PCDHGB1: variants seen among roughly 807,000 people sequenced by gnomAD.
PCDHGB1 encodes protocadherin gamma subfamily B, 1, also known as protocadherin gamma-B1.
In PCDHGB1, 34 loss-of-function variants were observed where a neutral mutation model predicts 56.6. The observed-to-expected ratio is 0.60, with a 90% CI of 0.46 to 0.80. PCDHGB1 has a LOEUF of 0.80. PCDHGB1 is among the 30% of genes least tolerant of loss of function. PCDHGB1 has a pLI of 0.00. For missense variants in PCDHGB1, 1,278 were observed against 1,204.6 expected (o/e 1.06, Z -0.90); for synonymous variants, 561 against 505.9 (o/e 1.11, Z -1.46).
chr5:141,414,793 G>A lies in PCDHGB1; in HGVS notation c.2409+62124G>A, dbSNP rs756653393. On this transcript the variant is annotated intron_variant, in intron 1 of 3. Transcript: ENST00000523390. ...GCTACAGATGCAGGTGACAGCCAGCGACAGCGGGGATCCTCCACTCAGCAG... is the reference window on the plus strand; with the variant it reads ...GCTACAGATGCAGGTGACAGCCAGCAACAGCGGGGATCCTCCACTCAGCAG... 2.5e-6 allele frequency: 4 copies of A among 1,614,100 alleles called. No individual in the cohort carries two copies. The African/African-American group carries it at 4.0e-5, about 16-fold the overall frequency.
chr5:141,395,107 A>G (rs2093174446), intron 1 of PCDHGB1: 1 of 1,614,212 alleles, frequency 6.2e-7, no homozygotes, highest in African/African-American at 1.3e-5. Context: ...GACTCGCGGA[A>G]GAGTCACCTG....
chr5:141,368,540 AT>A (rs34785174), intron 1 of PCDHGB1, among the ~76,000 whole-genome samples: 1 of 152,116 alleles, frequency 6.6e-6, no homozygotes, highest in Middle Eastern at 3.4e-3. Context: ...TTGCTTTTCC[AT>A]TTTTTTTAAA....
chr5:141,410,329 G>T, intron 1 of PCDHGB1: 1 of 1,613,982 alleles, frequency 6.2e-7, no homozygotes, highest in African/African-American at 1.3e-5. Context: ...CCGTGATTCT[G>T]GCCATTGCCT....
chr5:141,498,197 A>C (rs1191884415), intron 2 of PCDHGB1, among the ~76,000 whole-genome samples: 1 of 152,246 alleles, frequency 6.6e-6, no homozygotes. Flanking sequence ...AACCAGCTAA[A>C]GAAAAGAAGG....
At chr5:141,358,633 A>G (rs537297166) in intron 1 of PCDHGB1, among the ~76,000 whole-genome samples, 1 of 152,348 alleles carries the variant, frequency 6.6e-6, no homozygotes, top group East Asian at 1.9e-4. Context: ...AATTTCAGTC[A>G]TATATAAGTA....
At chr5:141,433,225 GCT>G in intron 1 of PCDHGB1, 1 of 1,517,048 alleles carries the variant, frequency 6.6e-7, no homozygotes, top group African/African-American at 1.4e-5. Context: ...TTTTTTAATT[GCT>G]CTGTCTCCCA....
intron 1 of PCDHGB1, chr5:141,389,816 G>A (rs1359127304): frequency 6.2e-7 from 1 of 1,613,776 alleles, no homozygotes; most frequent in Admixed American, 1.7e-5. Flanking sequence ...TGGTCGCCGT[G>A]CGTGACGGTG....
chr5:141,414,009 TGGA>T (rs2095701451), intron 1 of PCDHGB1: 2 of 1,612,964 alleles, frequency 1.2e-6, no homozygotes, highest in Middle Eastern at 1.7e-4. Context: ...AAGGTGCCAA[TGGA>T]GAAGTGACAT....
chr5:141,436,099 T>C (rs1400528271), intron 1 of PCDHGB1, among the ~76,000 whole-genome samples: 1 of 152,128 alleles, frequency 6.6e-6, no homozygotes, highest in Non-Finnish European at 1.5e-5. Flanking sequence ...TTGAGAGAAA[T>C]AGAGGACAAT....
chr5:141,491,332 C>T lies in PCDHGB1; in HGVS notation c.2410-3475C>T, dbSNP rs1013118722. 2 of 1,614,072 alleles carry T rather than the reference C, an allele frequency of 1.2e-6. No individual in the cohort carries two copies. The highest frequency in any genetic ancestry group is 2.7e-5 in the African/African-American group (2 of 74,944). On this transcript the variant is annotated intron_variant, in intron 1 of 3. Coordinates refer to ENST00000523390, the MANE Select transcript of PCDHGB1 (RefSeq NM_018922.3). This position sits in a 1 kb window ranked among gnomAD's most constrained non-coding sequence, Gnocchi z 6.9. ...CCTTACCCTTTACCTCATTGTGGCT[C>T]TAGCGACCGTCAGTCTCTTATCCCT...
chr5:141,362,269 T>C, intron 1 of PCDHGB1: 2 of 1,614,034 alleles, frequency 1.2e-6, no homozygotes, highest in Non-Finnish European at 1.7e-6. Context: ...TCTGGCAATC[T>C]CCCTGCGCCT....
intron 1 of PCDHGB1, chr5:141,375,945 T>C (rs770100512): frequency 1.2e-6 from 2 of 1,613,448 alleles, no homozygotes; most frequent in Non-Finnish European, 8.5e-7. Context: ...TCAGTGGGCC[T>C]GCACACGGGC....
At chr5:141,372,101 C>G (rs984585015) in intron 1 of PCDHGB1, 15 of 1,613,794 alleles carry the variant, frequency 9.3e-6, no homozygotes, top group Non-Finnish European at 1.3e-5. Flanking sequence ...CTCTGGGGCC[C>G]GAAGGCTCTG....
In PCDHGB1 at chr5:141,432,126, C is replaced by G. The variant is rs750150518; in HGVS notation, c.2410-62681C>G. 12 of 1,614,026 alleles carry G rather than the reference C, an allele frequency of 7.4e-6. No homozygotes were observed. Among genetic ancestry groups the G allele is most frequent in the South Asian group, 4.4e-5 (4 of 91,062 alleles). On this transcript the variant is annotated intron_variant, in intron 1 of 3. Transcript: ENST00000523390. The surrounding 1 kb of genome is among the most constrained non-coding windows in gnomAD (Gnocchi z 6.0). ...AACCCGCCGGTCTTCCCTCAGGCCT[C>G]CTATTCCGCTTATATCCCAGAGAAC...
intron 1 of PCDHGB1, chr5:141,392,664 C>CT (rs530587453): frequency 1.2e-6 from 1 of 817,260 alleles, no homozygotes; most frequent in South Asian, 2.1e-5. Flanking sequence ...ATGCCACAAA[C>CT]TAACTGCTGG....
chr5:141,455,400 C>G (rs537466326), intron 1 of PCDHGB1, among the ~76,000 whole-genome samples: 8 of 152,274 alleles, frequency 5.3e-5, no homozygotes, highest in Admixed American at 5.2e-4. Context: ...CTCCCCCTTA[C>G]AGAGACAGAG....
chr5:141,413,533 C>T (rs777022301), intron 1 of PCDHGB1: 1 of 1,613,934 alleles, frequency 6.2e-7, no homozygotes, highest in Admixed American at 1.7e-5. Context: ...CAGGGTGAAA[C>T]TTTTTGGGAT....
At chr5:141,421,222 C>T in intron 1 of PCDHGB1, 1 of 1,576,946 alleles carries the variant, frequency 6.3e-7, no homozygotes, top group Non-Finnish European at 8.6e-7. Flanking sequence ...CGGCTTAGAG[C>T]CTGCCATGGC....
rs1589320809 is a variant in PCDHGB1, at chr5:141,398,163, G to A, written c.2409+45494G>A. 6 of 1,482,244 alleles carry A rather than the reference G, an allele frequency of 4.0e-6. No homozygotes were observed. The Admixed American group carries it at 1.0e-4, about 26-fold the overall frequency. The allele number at this position is 1,482,244 out of a possible 1,614,324, so 91.8% of individuals were successfully genotyped here. A position where few individuals can be genotyped will look rare whatever the true frequency, so the allele number is the denominator to read the frequency against. Reference sequence around the variant, plus strand: ...GCGCCGGGGAGCTGGGCCGGGCTGAGAGGCTGCCAGTGCTCTTTCTCTTCC... The same window carrying A: ...GCGCCGGGGAGCTGGGCCGGGCTGAAAGGCTGCCAGTGCTCTTTCTCTTCC... On this transcript the variant is annotated intron_variant, in intron 1 of 3. Transcript: ENST00000523390.
Sources: allele counts gnomAD v4.1 joint callset (sites outside exome capture counted in the v4.1 genomes callset), GRCh38; gene constraint gnomAD v4.1.1; non-coding constraint Gnocchi (gnomAD v3.1); transcripts MANE v1.5; gene names NCBI Gene and HGNC (gene_info 2026-07-23, HGNC 2026-07-21).